CHIC1: variants seen among roughly 807,000 people sequenced by gnomAD.
The protein encoded by CHIC1 is cysteine rich hydrophobic domain 1, also known as cysteine-rich hydrophobic domain-containing protein 1.
In CHIC1, 7 loss-of-function variants were observed where a neutral mutation model predicts 18.5. The observed-to-expected ratio is 0.38, with a 90% CI of 0.22 to 0.71. The LOEUF is 0.71. Ranked by LOEUF, CHIC1 falls within the 30% of genes least tolerant of loss-of-function variation. The pLI, the probability that CHIC1 is intolerant of heterozygous loss-of-function variation, is 0.49. For missense variants in CHIC1, 159 were observed against 176.9 expected, an observed-to-expected ratio of 0.90 and a Z score of 0.57; for synonymous variants, 77 against 73.5, an observed-to-expected ratio of 1.05 and a Z score of -0.25.
At position 73,605,113 on chromosome X, in the gene CHIC1, A is replaced by G. The variant is rs1464083677; in HGVS notation, c.507+20541A>G. ...TGACAGTGGGGTGTTAAAGTCTCCC[A>G]CTATTATCGTGTAGGAGTCTGAGTC... is the stretch of plus-strand genomic sequence containing the variant. On this transcript the variant is annotated intron_variant, in intron 3 of 5. Transcript: ENST00000373502. Among the ~76,000 whole-genome samples, 4 of 108,016 alleles carry G rather than the reference A, an allele frequency of 3.7e-5. 1 individual carries two copies. The highest frequency in any genetic ancestry group is 7.2e-5 in the African/African-American group (2 of 27,691). The allele number at this position is 108,016 out of a possible 115,157, so 93.8% of individuals were successfully genotyped here.
chrX:73,570,386 A>G (rs1222120684), intron 1 of CHIC1, among the ~76,000 whole-genome samples: 2 of 111,273 alleles, frequency 1.8e-5, no homozygotes, highest in Non-Finnish European at 3.8e-5. Flanking sequence ...AGGGAACATT[A>G]TGAGAATGAT....
At chrX:73,677,201 T>C (rs976911228) in intron 3 of CHIC1, among the ~76,000 whole-genome samples, 6 of 112,276 alleles carry the variant, frequency 5.3e-5, no homozygotes, top group Non-Finnish European at 7.5e-5. Flanking sequence ...GAGGAGGCTG[T>C]CTGCCTGTTC....
intron 3 of CHIC1, among the ~76,000 whole-genome samples, chrX:73,588,187 A>C (rs1404810285): frequency 2.7e-5 from 3 of 111,280 alleles, no homozygotes; most frequent in Non-Finnish European, 5.7e-5. Flanking sequence ...GTACTTACAG[A>C]GTTGTGTAAC....
chrX:73,638,434 C>A (rs2057840398), intron 3 of CHIC1, among the ~76,000 whole-genome samples: 1 of 111,195 alleles, frequency 9.0e-6, no homozygotes, highest in African/African-American at 3.3e-5. Flanking sequence ...TCATTCAGAC[C>A]AAGAATTCTG....
intron 3 of CHIC1, among the ~76,000 whole-genome samples, chrX:73,616,059 G>A (rs2057731322): frequency 9.1e-6 from 1 of 110,460 alleles, no homozygotes; most frequent in African/African-American, 3.3e-5. Context: ...GGAATTTGGA[G>A]ATTCCAGGGT....
intron 3 of CHIC1, among the ~76,000 whole-genome samples, chrX:73,601,926 A>G (rs1440093518): frequency 1.9e-5 from 2 of 105,383 alleles, no homozygotes; most frequent in African/African-American, 3.7e-5. Flanking sequence ...AGAGAATACT[A>G]TAAACACCTC....
chrX:73,632,374 AATAGGGTGTTGTTTG>A, intron 3 of CHIC1, among the ~76,000 whole-genome samples: 1 of 111,826 alleles, frequency 8.9e-6, no homozygotes, highest in Non-Finnish European at 1.9e-5. Context: ...AGCAGCATAT[AATAGGGTGTTGTTTG>A]TTAATGCATT....
intron 3 of CHIC1, among the ~76,000 whole-genome samples, chrX:73,594,491 G>A (rs2057597654): frequency 9.0e-6 from 1 of 111,563 alleles, no homozygotes; most frequent in Admixed American, 9.6e-5. Flanking sequence ...GATTTCATAG[G>A]CATTGCATGC....
intron 1 of CHIC1, among the ~76,000 whole-genome samples, chrX:73,574,231 A>T (rs771658440): frequency 9.0e-6 from 1 of 110,913 alleles, no homozygotes; most frequent in Admixed American, 9.6e-5. Flanking sequence ...AATTACATTT[A>T]TTGATTTGTG....
intron 3 of CHIC1, among the ~76,000 whole-genome samples, chrX:73,628,174 G>T (rs1346353830): frequency 1.8e-5 from 2 of 111,350 alleles, no homozygotes; most frequent in African/African-American, 6.5e-5. Context: ...GGAAGACAAA[G>T]TTCTCCCCAC....
intron 3 of CHIC1, among the ~76,000 whole-genome samples, chrX:73,668,543 G>GT (rs899285092): frequency 5.4e-5 from 6 of 111,203 alleles, no homozygotes; most frequent in South Asian, 3.8e-4. Flanking sequence ...GGGTTTTTGT[G>GT]TTTTTTTATT....
At chrX:73,601,657 A>C (rs1236130941) in intron 3 of CHIC1, among the ~76,000 whole-genome samples, 18 of 102,709 alleles carry the variant, frequency 1.8e-4, no homozygotes, top group Non-Finnish European at 3.1e-4. Flanking sequence ...AGAACTAGAA[A>C]AGCAAGAGCA....
At chrX:73,635,974 G>T (rs1369660378) in intron 3 of CHIC1, among the ~76,000 whole-genome samples, 1 of 111,468 alleles carries the variant, frequency 9.0e-6, no homozygotes, top group African/African-American at 3.3e-5. Context: ...GTGGTGTATG[G>T]AAGTCTGAAG....
chrX:73,605,491 C>A (rs2057677212), intron 3 of CHIC1, among the ~76,000 whole-genome samples: 1 of 108,378 alleles, frequency 9.2e-6, no homozygotes, highest in East Asian at 2.8e-4. Flanking sequence ...AGCCCATTTA[C>A]ATTTAAGGTT....
At chrX:73,643,594 C>T (rs1427753693) in intron 3 of CHIC1, among the ~76,000 whole-genome samples, 2 of 111,603 alleles carry the variant, frequency 1.8e-5, no homozygotes, top group African/African-American at 3.3e-5. Context: ...TCTAAACTTC[C>T]CTTCTCGCTT....
At chrX:73,672,286 T>G (rs1458187890) in intron 3 of CHIC1, among the ~76,000 whole-genome samples, 3 of 111,873 alleles carry the variant, frequency 2.7e-5, no homozygotes, top group Admixed American at 9.4e-5. Flanking sequence ...ATATACCCAG[T>G]AATGGGAAGG....
chrX:73,598,929 C>T (rs1359871514), intron 3 of CHIC1, among the ~76,000 whole-genome samples: 2 of 107,747 alleles, frequency 1.9e-5, no homozygotes, highest in Non-Finnish European at 3.9e-5. Context: ...AATGGTTGAA[C>T]TAGTTTACAG....
At chrX:73,671,369 A>T (rs1010979959) in intron 3 of CHIC1, among the ~76,000 whole-genome samples, 6 of 112,001 alleles carry the variant, frequency 5.4e-5, no homozygotes, top group Non-Finnish European at 9.4e-5. Flanking sequence ...TTATTATTTC[A>T]TTGAATACGA....
At chrX:73,641,169 A>T (rs2057854110) in intron 3 of CHIC1, among the ~76,000 whole-genome samples, 1 of 110,142 alleles carries the variant, frequency 9.1e-6, no homozygotes, top group Non-Finnish European at 1.9e-5. Flanking sequence ...TTTTCTCAGT[A>T]TTTATTTCTG....
Sources: allele counts gnomAD v4.1 joint callset (sites outside exome capture counted in the v4.1 genomes callset), GRCh38; gene constraint gnomAD v4.1.1; transcripts MANE v1.5; gene names NCBI Gene and HGNC (gene_info 2026-07-23, HGNC 2026-07-21).